CPA5: variants seen among roughly 807,000 people sequenced by gnomAD.
The protein encoded by CPA5 is carboxypeptidase A5, also known as testicular tissue protein Li 32.
A neutral mutation model predicts 52.2 loss-of-function variants in CPA5; 38 were observed. The ratio of observed to expected loss-of-function variants is 0.73; its 90% CI spans 0.56 to 0.95. CPA5 has a LOEUF of 0.95. CPA5 is among the 40% of genes least tolerant of loss of function. CPA5 has a pLI of 0.00. For missense variants in CPA5, 519 were observed against 566.7 expected (o/e 0.92, Z 0.86); for synonymous variants, 198 against 213.7 (o/e 0.93, Z 0.64).
chr7:130,368,107 G>C (rs1796202338), intron 12 of CPA5, 117 bp downstream of exon 12: 1 of 960,218 alleles, frequency 1.0e-6, no homozygotes, highest in Non-Finnish European at 1.6e-6. Context: ...CTGGATAGAA[G>C]GGTGAACAGT....
At chr7:130,355,985 T>G (rs1447675251) in intron 5 of CPA5, among the ~76,000 whole-genome samples, 4 of 152,102 alleles carry the variant, frequency 2.6e-5, no homozygotes, top group African/African-American at 9.7e-5. Flanking sequence ...TCTGAAAACT[T>G]CAGATCAGCA....
intron 4 of CPA5, among the ~76,000 whole-genome samples, chr7:130,348,848 A>T (rs1009905): frequency 0.53 from 80,656 of 151,992 alleles, 21,636 homozygotes; most frequent in Admixed American, 0.62. Flanking sequence ...AACCAAAAAC[A>T]TTAAACGGAA....
intron 6 of CPA5, among the ~76,000 whole-genome samples, chr7:130,360,346 G>A (rs980316201): frequency 5.3e-5 from 8 of 152,260 alleles, no homozygotes; most frequent in African/African-American, 1.9e-4. Context: ...AGGCACATTG[G>A]ACAGCCATGT....
chr7:130,354,463 G>C (rs561483567), intron 5 of CPA5, among the ~76,000 whole-genome samples: 1 of 151,860 alleles, frequency 6.6e-6, no homozygotes, highest in African/African-American at 2.4e-5. Flanking sequence ...GCATGATCTC[G>C]GCTCACTGCA....
chr7:130,351,613 C>A (rs1397555236), intron 5 of CPA5, among the ~76,000 whole-genome samples: 1 of 152,120 alleles, frequency 6.6e-6, no homozygotes, highest in African/African-American at 2.4e-5. Flanking sequence ...TACTTGAGAT[C>A]ATATTTTGGC....
In CPA5 at chr7:130,346,483, A is replaced by C. The variant is rs1433909845; in HGVS notation, c.-3A>C. The C allele has an allele frequency of 6.2e-7, 1 of 1,607,392 alleles. No individual in the cohort carries two copies. Among genetic ancestry groups the C allele is most frequent in the Non-Finnish European group, 8.5e-7 (1 of 1,175,062 alleles). Reference sequence around the variant, plus strand: ...CCCCTGAAGCTCACCAGGAGGAAGAAGCATGCAGGGCACCCCTGGAGGCGG... The same window carrying C: ...CCCCTGAAGCTCACCAGGAGGAAGACGCATGCAGGGCACCCCTGGAGGCGG... On this transcript the variant is annotated 5_prime_UTR_variant, in exon 3 of 13. Transcript: ENST00000474905.
At chr7:130,367,326 C>T (rs374255003) in intron 10 of CPA5, 46 bp from the exon 11 acceptor site, 324 of 1,556,160 alleles carry the variant, frequency 2.1e-4, no homozygotes, top group Non-Finnish European at 2.6e-4. Context: ...CCGTCTGTGT[C>T]GCACGTGGGG....
At chr7:130,362,835 C>T in intron 8 of CPA5, 49 bp from the exon 9 acceptor site, 1 of 1,254,160 alleles carries the variant, frequency 8.0e-7, no homozygotes. Flanking sequence ...TGTGCCACCT[C>T]CCAGGAGACC....
intron 5 of CPA5, among the ~76,000 whole-genome samples, chr7:130,352,460 C>T (rs777450913): frequency 1.5e-4 from 22 of 151,312 alleles, no homozygotes; most frequent in Admixed American, 1.3e-3. Flanking sequence ...CACTGCACGC[C>T]GTGCTTCTGA....
intron 5 of CPA5, among the ~76,000 whole-genome samples, chr7:130,352,920 CT>C (rs1173834248): frequency 5.3e-5 from 8 of 151,500 alleles, no homozygotes; most frequent in African/African-American, 1.5e-4. Context: ...CTTTTAATGG[CT>C]TTTTTTCTGA....
intron 5 of CPA5, among the ~76,000 whole-genome samples, chr7:130,355,563 C>T (rs530704775): frequency 2.0e-5 from 3 of 152,260 alleles, no homozygotes; most frequent in South Asian, 2.1e-4. Flanking sequence ...CGCGCCACCA[C>T]GCCTGGCTGA....
chr7:130,359,714 C>T lies in CPA5; in HGVS notation c.432+27C>T, dbSNP rs1554406125. On this transcript the variant is annotated intron_variant, in intron 6 of 12. Transcript: ENST00000474905. ...TAGGTCTGGCCGGGCAAGCTCTGGG[C>T]TCTCTTGTGTCTTTGGGCCCCTTAG... 6.6e-6 allele frequency: 10 copies of T among 1,516,576 alleles called. No individual in the cohort carries two copies. The East Asian group carries it at 2.4e-4, about 36-fold the overall frequency. 93.9% of individuals were successfully genotyped at this position (1,516,576 alleles called of 1,614,324 possible).
downstream of CPA5, among the ~76,000 whole-genome samples, chr7:130,372,065 T>A (rs1460055486): frequency 6.6e-6 from 1 of 152,242 alleles, no homozygotes; most frequent in Non-Finnish European, 1.5e-5. Context: ...CCCCCTTCAA[T>A]ATCCTTCCTC....
chr7:130,351,024 A>G (rs1464440253), intron 5 of CPA5, among the ~76,000 whole-genome samples: 1 of 152,220 alleles, frequency 6.6e-6, no homozygotes, highest in Non-Finnish European at 1.5e-5. Flanking sequence ...GTGGGAACAC[A>G]GAGCCTCCCG....
At chr7:130,346,855 T>C (rs1272114678) in intron 3 of CPA5, among the ~76,000 whole-genome samples, 2 of 152,064 alleles carry the variant, frequency 1.3e-5, no homozygotes, top group Non-Finnish European at 1.5e-5. Context: ...AAGAATCCCC[T>C]GAAACCACAT....
At chr7:130,371,146 T>C (rs1014286792), downstream of CPA5, among the ~76,000 whole-genome samples, 19 of 152,190 alleles carry the variant, frequency 1.2e-4, no homozygotes, top group Non-Finnish European at 5.9e-5. Context: ...GAATGCCAAA[T>C]TGGACAAGAA....
chr7:130,350,868 T>C (rs1334016878), intron 5 of CPA5, among the ~76,000 whole-genome samples: 2 of 152,258 alleles, frequency 1.3e-5, no homozygotes, highest in East Asian at 1.9e-4. Flanking sequence ...CTAGAGATCT[T>C]TGTGGGTACC....
rs1554403558 is a variant in CPA5, at chr7:130,350,099, AG to A, written c.325del (p.Asp109ThrfsTer45). ...SHGLAYSIMI[K>X]DIQVLLDEER... ...GGACTTGCTTACAGCATCATGATAAAGGACATCCAGGTGAAGCCCTGCCCCA... is the reference window on the plus strand; with the variant it reads ...GGACTTGCTTACAGCATCATGATAAAGACATCCAGGTGAAGCCCTGCCCCA... On this transcript the variant is annotated frameshift_variant, in exon 5 of 13. Transcript: ENST00000474905. LOFTEE classifies it high-confidence loss of function. The A allele has an allele frequency of 1.2e-6, 2 of 1,611,984 alleles. No homozygotes were observed. Among genetic ancestry groups the A allele is most frequent in the Non-Finnish European group, 1.7e-6 (2 of 1,179,366 alleles).
chr7:130,368,269 C>A (rs1351756886), intron 12 of CPA5, 141 bp from the exon 13 acceptor site: 6 of 784,828 alleles, frequency 7.6e-6, no homozygotes, highest in Non-Finnish European at 1.2e-5. Context: ...TGTTTGAGGC[C>A]TGGGCAGGAA....
Sources: gnomAD v4.1 joint callset for allele counts (sites outside exome capture counted in the v4.1 genomes callset) on GRCh38, gnomAD v4.1.1 for gene constraint, MANE v1.5 for transcripts, NCBI Gene and HGNC (gene_info 2026-07-23, HGNC 2026-07-21) for gene names.